The following RBFOX1 variants were observed in gnomAD, a reference collection of about 807,000 sequenced individuals.
RBFOX1 encodes the protein RNA binding fox-1 homolog 1, also known as RNA binding protein fox-1 homolog 1.
In RBFOX1, 8 loss-of-function variants were observed where a neutral mutation model predicts 57.7. The ratio of observed to expected loss-of-function variants is 0.14; its 90% CI spans 0.08 to 0.25. The LOEUF is 0.25. Among genes scored for constraint, RBFOX1 ranks in the 10% least tolerant of loss-of-function variants. RBFOX1 has a pLI of 1.00. For missense variants in RBFOX1, 611 were observed against 548.5 expected (o/e 1.11, Z -1.14); for synonymous variants, 326 against 222.4 (o/e 1.47, Z -4.15).
chr16:7,675,243 CT>C (rs111294168), intron 13 of RBFOX1, among the ~76,000 whole-genome samples: 26,788 of 152,058 alleles, frequency 0.18, 2,559 homozygotes, highest in South Asian at 0.34. Flanking sequence ...GTCCGTCACT[CT>C]GTTGAACTCA....
chr16:5,614,187 C>T (rs1174712501), intron 3 of RBFOX1, among the ~76,000 whole-genome samples: 2 of 152,164 alleles, frequency 1.3e-5, no homozygotes, highest in South Asian at 2.1e-4. Context: ...CTGTCACGTA[C>T]AGCCTGAGCC....
chr16:5,845,469 A>T (rs916492847), intron 3 of RBFOX1, among the ~76,000 whole-genome samples: 2 of 152,140 alleles, frequency 1.3e-5, no homozygotes, highest in African/African-American at 4.8e-5. Context: ...GAAAGTCCTC[A>T]TCCAACCCAG....
intron 3 of RBFOX1, among the ~76,000 whole-genome samples, chr16:7,046,780 A>C (rs1273384981): frequency 6.6e-6 from 1 of 151,536 alleles, no homozygotes; most frequent in Non-Finnish European, 1.5e-5. Context: ...TAATTTTTGT[A>C]TTTTTAATAG....
intron 3 of RBFOX1, among the ~76,000 whole-genome samples, chr16:5,863,565 A>G (rs561683729): frequency 6.6e-6 from 1 of 152,204 alleles, no homozygotes; most frequent in Non-Finnish European, 1.5e-5. Flanking sequence ...GTGCACATTC[A>G]TGAATACTAC....
chr16:5,384,506 G>C (rs2066208157), intron 1 of RBFOX1, among the ~76,000 whole-genome samples: 2 of 152,192 alleles, frequency 1.3e-5, no homozygotes, highest in Non-Finnish European at 2.9e-5. Flanking sequence ...GAGTTTACCA[G>C]AGAGAGCAAG....
chr16:6,522,514 G>A (rs2096521578), intron 2 of RBFOX1, among the ~76,000 whole-genome samples: 1 of 152,078 alleles, frequency 6.6e-6, no homozygotes. Context: ...AATATGCTTT[G>A]GCTTAGCATA....
chr16:6,126,665 G>A (rs955404252), intron 1 of RBFOX1, among the ~76,000 whole-genome samples: 31 of 152,096 alleles, frequency 2.0e-4, no homozygotes, highest in African/African-American at 7.2e-4. Flanking sequence ...CTGGGGGTCT[G>A]GCTCCTCCCC....
intron 1 of RBFOX1, among the ~76,000 whole-genome samples, chr16:5,412,405 A>G (rs1356622358): frequency 2.0e-5 from 3 of 152,232 alleles, no homozygotes; most frequent in Non-Finnish European, 4.4e-5. Context: ...TGTTATTCTG[A>G]TATGATTATG....
At chr16:5,965,508 A>G (rs1035560362) in intron 4 of RBFOX1, among the ~76,000 whole-genome samples, 2 of 152,234 alleles carry the variant, frequency 1.3e-5, no homozygotes, top group African/African-American at 2.4e-5. Flanking sequence ...CTCAGGCAGA[A>G]CTAAACACAT....
At chr16:6,756,400 G>C (rs1018216498) in intron 3 of RBFOX1, among the ~76,000 whole-genome samples, 7 of 152,062 alleles carry the variant, frequency 4.6e-5, no homozygotes, top group Admixed American at 2.0e-4. Context: ...TAAGACACTG[G>C]CCTAGGCAAA....
intron 3 of RBFOX1, among the ~76,000 whole-genome samples, chr16:6,918,868 T>G (rs2073847946): frequency 6.6e-6 from 1 of 152,076 alleles, no homozygotes; most frequent in South Asian, 2.1e-4. Context: ...GGCCCTTACC[T>G]GATGTAACAG....
At chr16:7,137,601 A>G (rs956256724) in intron 4 of RBFOX1, among the ~76,000 whole-genome samples, 6 of 152,148 alleles carry the variant, frequency 3.9e-5, no homozygotes, top group African/African-American at 1.4e-4. Context: ...AGTCTCAGGT[A>G]TGTCTTTATC....
At chr16:7,566,969 C>T (rs530393508) in intron 5 of RBFOX1, among the ~76,000 whole-genome samples, 4 of 151,736 alleles carry the variant, frequency 2.6e-5, no homozygotes, top group African/African-American at 9.7e-5. Flanking sequence ...CATGTATTTA[C>T]AGAGTAAAGG....
chr16:5,581,297 G>C (rs1361701300), intron 2 of RBFOX1, among the ~76,000 whole-genome samples: 2 of 152,212 alleles, frequency 1.3e-5, no homozygotes, highest in Non-Finnish European at 2.9e-5. Context: ...ACTTTGGGCG[G>C]AGACAGAGGT....
At chr16:6,611,984 C>A (rs570720888) in intron 2 of RBFOX1, among the ~76,000 whole-genome samples, 3 of 150,054 alleles carry the variant, frequency 2.0e-5, no homozygotes, top group East Asian at 4.5e-4. Context: ...TTTGGCCTCT[C>A]AGATCTCCCG....
intron 3 of RBFOX1, among the ~76,000 whole-genome samples, chr16:5,677,069 C>T (rs1417234416): frequency 6.6e-6 from 1 of 152,140 alleles, no homozygotes; most frequent in African/African-American, 2.4e-5. Context: ...TGCATCTTCC[C>T]AGGCTGGTGG....
chr16:5,599,376 G>A (rs1183144929), exon 3 of RBFOX1: 1 of 598,786 alleles, frequency 1.7e-6, no homozygotes, highest in Non-Finnish European at 3.0e-6. Context: ...GAGTGCTCTG[G>A]GGTCCTGCAT....
At chr16:6,417,323 T>C (rs9923007) in intron 2 of RBFOX1, among the ~76,000 whole-genome samples, 65,174 of 151,556 alleles carry the variant, frequency 0.43, 14,934 homozygotes, top group Non-Finnish European at 0.5. Context: ...TTTTCACCTT[T>C]CTTTCCCTTT....
chr16:5,851,848 G>A (rs2056904821), intron 3 of RBFOX1, among the ~76,000 whole-genome samples: 1 of 152,182 alleles, frequency 6.6e-6, no homozygotes, highest in African/African-American at 2.4e-5. Context: ...CAGTGGGTGA[G>A]TAAAGGAAGG....
Sources: allele counts gnomAD v4.1 joint callset (sites outside exome capture counted in the v4.1 genomes callset), GRCh38; gene constraint gnomAD v4.1.1; transcripts MANE v1.5; gene names NCBI Gene and HGNC (gene_info 2026-07-23, HGNC 2026-07-21).